Variants in KIF21A observed in about 807,000 individuals in gnomAD.
KIF21A encodes the protein kinesin-like protein KIF21A.
A neutral mutation model predicts 202.9 loss-of-function variants in KIF21A; 114 were observed. The ratio of observed to expected loss-of-function variants is 0.56; its 90% CI spans 0.48 to 0.66. KIF21A has a LOEUF of 0.66. Ranked by LOEUF, KIF21A falls within the 30% of genes least tolerant of loss-of-function variation. The pLI is 0.00. For missense variants in KIF21A, 1,677 were observed against 1,994.9 expected, an observed-to-expected ratio of 0.84 and a Z score of 3.04; for synonymous variants, 667 against 670.8, an observed-to-expected ratio of 0.99 and a Z score of 0.09.
chr12:39,349,645 T>C (rs1948202414), intron 11 of KIF21A, among the ~76,000 whole-genome samples: 1 of 152,094 alleles, frequency 6.6e-6, no homozygotes, highest in African/African-American at 2.4e-5. Context: ...ATTTTAAAAA[T>C]AGAAATTGGC....
rs377191829 is a variant in KIF21A, at chr12:39,363,831, A to T, written c.904-618T>A. 3.3e-5 allele frequency among the ~76,000 whole-genome samples: 5 copies of T among 152,314 alleles called. No individual in the cohort carries two copies. In the East Asian group the frequency reaches 9.7e-4, roughly 29 times the overall value. On this transcript the variant is annotated intron_variant, in intron 6 of 37. Coordinates refer to ENST00000361418, the MANE Select transcript of KIF21A (RefSeq NM_001173464.2). ...TGAGGAGTTTGAGACCAACCCGACC[A>T]ACATGGGGAAACCCCATCTCTACTG...
chr12:39,438,714 A>C (rs1182750727), intron 1 of KIF21A, among the ~76,000 whole-genome samples: 2 of 152,216 alleles, frequency 1.3e-5, no homozygotes, highest in African/African-American at 4.8e-5. Flanking sequence ...TAACATAAAA[A>C]CACAAAGGTC....
At position 39,372,058 on chromosome 12, in the gene KIF21A, G is replaced by A. The variant is rs115899982; in HGVS notation, c.45-1797C>T. On this transcript the variant is annotated intron_variant, in intron 1 of 37. Transcript: ENST00000361418. Reference sequence around the variant, plus strand: ...AAAAAAAAAAAAACTCAGGTCAATAGAGGTAAAATAGAGGTAAAAACAAGT... The same window carrying A: ...AAAAAAAAAAAAACTCAGGTCAATAAAGGTAAAATAGAGGTAAAAACAAGT... 6.2e-3 allele frequency among the ~76,000 whole-genome samples: 929 copies of A among 148,914 alleles called. 15 individuals carry two copies. The highest frequency in any genetic ancestry group is 0.022 in the African/African-American group (878 of 40,558).
chr12:39,372,260 A>G (rs865805374), intron 1 of KIF21A, among the ~76,000 whole-genome samples: 3 of 152,206 alleles, frequency 2.0e-5, no homozygotes, highest in Non-Finnish European at 4.4e-5. Context: ...AAAATATCTC[A>G]TGTAAATAAT....
chr12:39,426,276 A>G (rs913576110), intron 1 of KIF21A, among the ~76,000 whole-genome samples: 5 of 152,246 alleles, frequency 3.3e-5, no homozygotes, highest in African/African-American at 1.2e-4. Flanking sequence ...TTATTAACTA[A>G]CTGTGTGAGA....
At chr12:39,426,977 T>A (rs1467245025) in intron 1 of KIF21A, among the ~76,000 whole-genome samples, 1 of 152,148 alleles carries the variant, frequency 6.6e-6, no homozygotes, top group African/African-American at 2.4e-5. Flanking sequence ...AGGGGCAAAC[T>A]AATAGCTTAC....
chr12:39,325,758 C>A (rs892214207), intron 26 of KIF21A, 81 bp downstream of exon 26: 2 of 989,302 alleles, frequency 2.0e-6, no homozygotes, highest in South Asian at 1.3e-5. Context: ...TATTAAGAGT[C>A]AAATCTGAAC....
intron 31 of KIF21A, among the ~76,000 whole-genome samples, chr12:39,314,576 G>C (rs567072334): frequency 1.3e-5 from 2 of 151,818 alleles, no homozygotes; most frequent in Non-Finnish European, 3.0e-5. Flanking sequence ...CAGCCTAAGA[G>C]CTATTTTCAA....
At chr12:39,314,798 T>C (rs1219267653) in intron 31 of KIF21A, among the ~76,000 whole-genome samples, 1 of 151,878 alleles carries the variant, frequency 6.6e-6, no homozygotes, top group Non-Finnish European at 1.5e-5. Context: ...CCCCAGTAAC[T>C]TATGTATGGC....
At chr12:39,322,458 C>T (rs1039917051) in intron 27 of KIF21A, 1 of 479,788 alleles carries the variant, frequency 2.1e-6, no homozygotes, top group African/African-American at 2.0e-5. Context: ...AACTTGGAGA[C>T]AAGACAAAGC....
intron 1 of KIF21A, among the ~76,000 whole-genome samples, chr12:39,379,245 TTGA>T: frequency 6.6e-6 from 1 of 151,572 alleles, no homozygotes; most frequent in African/African-American, 2.4e-5. Flanking sequence ...TGAGAATTGC[TTGA>T]ACATAGGAGG....
chr12:39,374,461 T>C (rs1001758806), intron 1 of KIF21A, among the ~76,000 whole-genome samples: 1 of 152,120 alleles, frequency 6.6e-6, no homozygotes, highest in African/African-American at 2.4e-5. Context: ...CAAAGCCAAG[T>C]AGATTTTTAA....
Position 39,367,183 on chromosome 12 carries a change from C to A in KIF21A, c.601-19G>T, listed in dbSNP as rs1181213872. ...GCATCATCTGAAAAAGGGGAAGAAA[C>A]AAGGACTTTACTTGAACAATAAACA... On this transcript the variant is annotated intron_variant, in intron 4 of 37. Coordinates refer to ENST00000361418, the MANE Select transcript of KIF21A (RefSeq NM_001173464.2). 2.5e-6 allele frequency: 4 copies of A among 1,613,496 alleles called. No individual in the cohort carries two copies. Among genetic ancestry groups the A allele is most frequent in the Non-Finnish European group, 3.4e-6 (4 of 1,179,688 alleles).
Position 39,340,801 on chromosome 12 carries a change from A to T in KIF21A, c.2110+105T>A, listed in dbSNP as rs189188751. 6 of 794,756 alleles carry T rather than the reference A, an allele frequency of 7.5e-6. No individual in the cohort carries two copies. The East Asian group carries it at 1.3e-4, about 18-fold the overall frequency. 49.2% of individuals were successfully genotyped at this position (794,756 alleles called of 1,614,324 possible). A position where few individuals can be genotyped will look rare whatever the true frequency, so the allele number is the denominator to read the frequency against. ...AAAAACAAAACAAATAAATAACAAA[A>T]AAGGGTTTAATACGGCTTCTATTTT... On this transcript the variant is annotated intron_variant, in intron 15 of 37. Coordinates refer to ENST00000361418, the MANE Select transcript of KIF21A (RefSeq NM_001173464.2).
chr12:39,357,882 G>A (rs1324506762), intron 8 of KIF21A, among the ~76,000 whole-genome samples: 4 of 112,504 alleles, frequency 3.6e-5, no homozygotes, highest in East Asian at 2.9e-4. Context: ...GCACTCCAGC[G>A]TGGGTGATAG....
rs551194192 is a variant in KIF21A at position 39,305,044 on chromosome 12, C to A, written c.4443-106G>T. 2.5e-5 allele frequency: 16 copies of A among 647,512 alleles called. No homozygotes were observed. The East Asian group carries it at 4.9e-4, about 20-fold the overall frequency. The allele number at this position is 647,512 out of a possible 1,614,324, so 40.1% of individuals were successfully genotyped here. ...ATTCTTTCATAAAATAATTCACTAA[C>A]TTTTTTTTTTCTTTGTATATGTTTA... On this transcript the variant is annotated intron_variant, in intron 34 of 37. Coordinates refer to ENST00000361418, the MANE Select transcript of KIF21A (RefSeq NM_001173464.2).
intron 1 of KIF21A, among the ~76,000 whole-genome samples, chr12:39,392,673 G>A (rs1040552651): frequency 4.0e-5 from 6 of 151,580 alleles, no homozygotes; most frequent in Admixed American, 4.0e-4. Flanking sequence ...GGACAAGGAG[G>A]TAGTTGGTGC....
chr12:39,332,487 C>G, intron 20 of KIF21A, 79 bp from the exon 21 acceptor site: 2 of 1,492,854 alleles, frequency 1.3e-6, no homozygotes, highest in Non-Finnish European at 1.9e-6. Context: ...CCCCACCCCC[C>G]AAAAAAAACT....
intron 1 of KIF21A, among the ~76,000 whole-genome samples, chr12:39,431,209 A>G (rs1242203381): frequency 6.6e-6 from 1 of 152,134 alleles, no homozygotes; most frequent in African/African-American, 2.4e-5. Flanking sequence ...GTGCCAGCCT[A>G]TGTATACAAG....
Sources: gnomAD v4.1 joint callset for allele counts (sites outside exome capture counted in the v4.1 genomes callset) on GRCh38, gnomAD v4.1.1 for gene constraint, MANE v1.5 for transcripts, NCBI Gene and HGNC (gene_info 2026-07-23, HGNC 2026-07-21) for gene names.